Variants in FOXN3 observed in about 807,000 individuals in gnomAD.
FOXN3 encodes forkhead box N3, also known as forkhead box protein N3.
FOXN3 carries 7 observed loss-of-function variants against 38.4 expected under a neutral mutation model. The ratio of observed to expected loss-of-function variants is 0.18; its 90% CI spans 0.10 to 0.34. FOXN3 has a LOEUF of 0.34. Among genes scored for constraint, FOXN3 ranks in the 10% least tolerant of loss-of-function variants. The pLI is 1.00. For synonymous variants in FOXN3, 230 were observed against 242.2 expected (o/e 0.95, Z 0.47); for missense variants, 456 against 613.4 (o/e 0.74, Z 2.71).
intron 4 of FOXN3, among the ~76,000 whole-genome samples, chr14:89,238,052 C>T (rs542709315): frequency 1.2e-4 from 19 of 152,334 alleles, no homozygotes; most frequent in South Asian, 1.2e-3. Flanking sequence ...CTCTTAAATC[C>T]GATCTCCTCT....
intron 1 of FOXN3, among the ~76,000 whole-genome samples, chr14:89,432,620 A>G (rs1312530436): frequency 6.6e-6 from 1 of 152,016 alleles, no homozygotes; most frequent in Non-Finnish European, 1.5e-5. Flanking sequence ...AAAGATCCCC[A>G]TGTCCCTCTG....
chr14:89,543,940 A>T (rs1894837576), intron 1 of FOXN3, among the ~76,000 whole-genome samples: 1 of 152,146 alleles, frequency 6.6e-6, no homozygotes, highest in East Asian at 1.9e-4. Context: ...ATTTTGGAAA[A>T]ATATTAATGT....
chr14:89,217,399 C>T (rs1421283682), intron 4 of FOXN3, among the ~76,000 whole-genome samples: 3 of 152,168 alleles, frequency 2.0e-5, no homozygotes, highest in Non-Finnish European at 4.4e-5. Flanking sequence ...CTTGGCCTCC[C>T]AAAGTGCTGG....
At chr14:89,582,720 T>A (rs1050627183) in intron 1 of FOXN3, among the ~76,000 whole-genome samples, 13 of 152,190 alleles carry the variant, frequency 8.5e-5, no homozygotes, top group African/African-American at 2.9e-4. Flanking sequence ...TGTGAAACCA[T>A]CACCATGATC....
intron 1 of FOXN3, among the ~76,000 whole-genome samples, chr14:89,566,707 A>G (rs916748153): frequency 6.6e-6 from 1 of 152,032 alleles, no homozygotes; most frequent in Non-Finnish European, 1.5e-5. Context: ...GCAGCTACAT[A>G]TTCTCCTACC....
intron 1 of FOXN3, among the ~76,000 whole-genome samples, chr14:89,495,986 G>A (rs1053849596): frequency 1.3e-5 from 2 of 152,120 alleles, no homozygotes; most frequent in African/African-American, 2.4e-5. Context: ...AGGCTGAAGC[G>A]GGTGGATCAT....
At chr14:89,501,898 G>A (rs1893808987) in intron 1 of FOXN3, among the ~76,000 whole-genome samples, 1 of 151,966 alleles carries the variant, frequency 6.6e-6, no homozygotes, top group East Asian at 1.9e-4. Flanking sequence ...AGGTGCGATG[G>A]CTCACACCTG....
Position 89,474,693 on chromosome 14 carries a change from C to G in FOXN3, c.-14-62203G>C, listed in dbSNP as rs115023134. 4.4e-3 allele frequency among the ~76,000 whole-genome samples: 672 copies of G among 152,034 alleles called. 6 individuals are homozygous for G. The highest frequency in any genetic ancestry group is 0.015 in the African/African-American group (611 of 41,454). ...TTTGTTCAGTTGAACACACAGACAA[C>G]CAGAGGCTACTTGTATGTCTCGGGT... On this transcript the variant is annotated intron_variant, in intron 1 of 6. Transcript: ENST00000345097.
At chr14:89,583,748 C>G (rs1410410020) in intron 1 of FOXN3, among the ~76,000 whole-genome samples, 1 of 151,932 alleles carries the variant, frequency 6.6e-6, no homozygotes, top group Non-Finnish European at 1.5e-5. Context: ...TTAGTAGAGG[C>G]AGGGTTTCAC....
chr14:89,180,689 C>T lies in FOXN3; in HGVS notation c.851+12G>A. On this transcript the variant is annotated intron_variant, in intron 5 of 5. Transcript: ENST00000557258. ...CCCCAGGCTGGCTCTGCCCAGCGCA[C>T]TCCCCACTTACCTCATGGCCGCTGT... The T allele has an allele frequency of 6.3e-7, 1 of 1,590,216 alleles. No individual in the cohort carries two copies. The highest frequency in any genetic ancestry group is 8.6e-7 in the Non-Finnish European group (1 of 1,165,494).
intron 4 of FOXN3, among the ~76,000 whole-genome samples, chr14:89,204,881 C>T (rs1217221205): frequency 2.0e-5 from 3 of 148,508 alleles, no homozygotes; most frequent in Admixed American, 6.6e-5. Flanking sequence ...CAAAAGATAT[C>T]GTTATGCTGT....
In FOXN3 at chr14:89,547,202, A is replaced by G. The variant is rs1596313835; in HGVS notation, c.-15+71826T>C. On this transcript the variant is annotated intron_variant, in intron 1 of 6. Transcript: ENST00000345097. ...CAGTCACTGTATGTTTTGTGCTTCT[A>G]TAACAGAATACCAGACACTAGGTTA... Among the ~76,000 whole-genome samples the G allele has an allele frequency of 2.6e-5, 4 of 152,092 alleles. No homozygotes were observed. In the South Asian group the frequency reaches 8.3e-4, roughly 32 times the overall value.
chr14:89,490,183 A>G (rs985253048), intron 1 of FOXN3, among the ~76,000 whole-genome samples: 45 of 152,132 alleles, frequency 3.0e-4, no homozygotes, highest in African/African-American at 1.1e-3. Context: ...AAGGGTCTGA[A>G]CTTGCCTGAA....
intron 1 of FOXN3, among the ~76,000 whole-genome samples, chr14:89,613,116 CA>C (rs10581958): frequency 3.9e-4 from 29 of 74,594 alleles, no homozygotes; most frequent in East Asian, 2.7e-3. Flanking sequence ...GACTCTGTCT[CA>C]AAAAAAAAAA....
chr14:89,323,310 A>C (rs1331637270), intron 3 of FOXN3, among the ~76,000 whole-genome samples: 5 of 150,320 alleles, frequency 3.3e-5, no homozygotes, highest in Admixed American at 3.3e-4. Context: ...AAAAAGAAAG[A>C]AAGAAAGAAA....
At chr14:89,470,790 G>C (rs531357128) in intron 1 of FOXN3, among the ~76,000 whole-genome samples, 4 of 152,126 alleles carry the variant, frequency 2.6e-5, no homozygotes, top group African/African-American at 9.7e-5. Flanking sequence ...CCAATGCCTC[G>C]GAGCGGCCCA....
intron 1 of FOXN3, among the ~76,000 whole-genome samples, chr14:89,427,862 T>A (rs1892074022): frequency 6.6e-6 from 1 of 152,276 alleles, no homozygotes; most frequent in Non-Finnish European, 1.5e-5. Context: ...AAAAGTCTCC[T>A]TTTTATCCCT....
intron 1 of FOXN3, among the ~76,000 whole-genome samples, chr14:89,602,825 T>C (rs903295164): frequency 6.6e-6 from 1 of 152,128 alleles, no homozygotes; most frequent in Non-Finnish European, 1.5e-5. Context: ...CAGCACAACA[T>C]TCACACCTCA....
intron 4 of FOXN3, among the ~76,000 whole-genome samples, chr14:89,243,554 T>A (rs555623806): frequency 4.6e-5 from 7 of 152,338 alleles, no homozygotes; most frequent in Non-Finnish European, 7.3e-5. Flanking sequence ...TTATGAAGAA[T>A]GTATCCTTGA....
Sources: gnomAD v4.1 joint callset for allele counts (sites outside exome capture counted in the v4.1 genomes callset) on GRCh38, gnomAD v4.1.1 for gene constraint, MANE v1.5 for transcripts, NCBI Gene and HGNC (gene_info 2026-07-23, HGNC 2026-07-21) for gene names.